ANO2: variants seen among roughly 807,000 people sequenced by gnomAD.
ANO2 encodes anoctamin 2, also known as anoctamin-2.
In ANO2, 101 loss-of-function variants were observed where a neutral mutation model predicts 124.2. The ratio of observed to expected loss-of-function variants is 0.81; its 90% CI spans 0.69 to 0.96. The LOEUF is 0.96. Among genes scored for constraint, ANO2 ranks in the 40% least tolerant of loss-of-function variants. ANO2 has a pLI of 0.00. For synonymous variants in ANO2, 486 were observed against 482.5 expected, an observed-to-expected ratio of 1.01 and a Z score of -0.09; for missense variants, 1,293 against 1,274.5, an observed-to-expected ratio of 1.01 and a Z score of -0.22.
At chr12:5,844,848 T>TGTTTGTTG (rs1377299564) in intron 4 of ANO2, among the ~76,000 whole-genome samples, 1 of 151,618 alleles carries the variant, frequency 6.6e-6, no homozygotes, top group Non-Finnish European at 1.5e-5. Flanking sequence ...TGTGTTTGTT[T>TGTTTGTTG]GTTTGTTTGT....
chr12:5,719,251 C>T (rs1950131585), intron 14 of ANO2, among the ~76,000 whole-genome samples: 1 of 152,142 alleles, frequency 6.6e-6, no homozygotes, highest in African/African-American at 2.4e-5. Context: ...CCTTCTCTTC[C>T]CATGTGCACG....
At chr12:5,828,321 C>T (rs1954051361) in intron 6 of ANO2, among the ~76,000 whole-genome samples, 1 of 152,166 alleles carries the variant, frequency 6.6e-6, no homozygotes, top group South Asian at 2.1e-4. Context: ...TAGCAGAAAG[C>T]TCCGAACGTG....
At chr12:5,831,323 A>G (rs1047758694) in intron 5 of ANO2, among the ~76,000 whole-genome samples, 5 of 152,236 alleles carry the variant, frequency 3.3e-5, no homozygotes, top group African/African-American at 1.2e-4. Context: ...TATCCTTCAA[A>G]AGGAAGGTGT....
intron 20 of ANO2, among the ~76,000 whole-genome samples, chr12:5,593,422 C>CT (rs1943507295): frequency 6.6e-6 from 1 of 152,144 alleles, no homozygotes; most frequent in Admixed American, 6.5e-5. Flanking sequence ...CAATAGAGCC[C>CT]TGAGGGCTTA....
intron 3 of ANO2, among the ~76,000 whole-genome samples, chr12:5,890,665 G>A (rs1279084018): frequency 1.3e-5 from 2 of 152,146 alleles, no homozygotes; most frequent in Admixed American, 6.5e-5. Context: ...TAGGAAACAG[G>A]GGCATCCCTG....
chr12:5,759,971 T>C (rs746741565), intron 10 of ANO2, among the ~76,000 whole-genome samples: 1 of 152,136 alleles, frequency 6.6e-6, no homozygotes, highest in Non-Finnish European at 1.5e-5. Flanking sequence ...ATCTACACAA[T>C]GAAATAGAGA....
At chr12:5,723,440 T>A (rs1403648227) in intron 14 of ANO2, among the ~76,000 whole-genome samples, 1 of 152,108 alleles carries the variant, frequency 6.6e-6, no homozygotes, top group East Asian at 1.9e-4. Flanking sequence ...CCTAAGGAGA[T>A]CCACATCCTA....
chr12:5,797,097 CAT>C (rs1479869679), intron 10 of ANO2, among the ~76,000 whole-genome samples: 1 of 152,212 alleles, frequency 6.6e-6, no homozygotes, highest in African/African-American at 2.4e-5. Context: ...CAGCACAGAC[CAT>C]ATGAGGGCAA....
At chr12:5,764,747 C>T (rs886708163) in intron 10 of ANO2, among the ~76,000 whole-genome samples, 1 of 151,554 alleles carries the variant, frequency 6.6e-6, no homozygotes, top group Non-Finnish European at 1.5e-5. Context: ...AGCTGTACCA[C>T]CACAGCATCT....
At chr12:5,687,609 G>A (rs532864030) in intron 14 of ANO2, among the ~76,000 whole-genome samples, 6 of 152,368 alleles carry the variant, frequency 3.9e-5, no homozygotes, top group South Asian at 2.1e-4. Flanking sequence ...TGCTAGCAGC[G>A]TGCAAGGTGT....
rs1314386568 is a variant in ANO2, at chr12:5,769,506, G to A, written c.1056-18536C>T. On this transcript the variant is annotated intron_variant, in intron 10 of 24. Transcript: ENST00000682330. The surrounding 1 kb of genome is among the most constrained non-coding windows in gnomAD (Gnocchi z 4.0). ...ATGAGAGCTAGGAAAGTAAATTACA[G>A]CAAGAAAAACAAAGCAGGCAGAAAC... 6.6e-6 allele frequency among the ~76,000 whole-genome samples: 1 copy of A among 152,142 alleles called. No individual in the cohort carries two copies. The highest frequency in any genetic ancestry group is 1.5e-5 in the Non-Finnish European group (1 of 68,026).
chr12:5,871,412 A>G (rs1019814999), intron 3 of ANO2, among the ~76,000 whole-genome samples: 4 of 152,204 alleles, frequency 2.6e-5, no homozygotes, highest in Non-Finnish European at 5.9e-5. Flanking sequence ...CCTAGAATAG[A>G]GTATGCACTC....
At chr12:5,863,712 T>C (rs1440622040) in intron 3 of ANO2, among the ~76,000 whole-genome samples, 2 of 152,182 alleles carry the variant, frequency 1.3e-5, no homozygotes, top group Non-Finnish European at 2.9e-5. Context: ...TGCAGTTTAT[T>C]ATACATCAGT....
At chr12:5,923,199 CGCACACACACCCACAT>C (rs1941885991) in intron 1 of ANO2, among the ~76,000 whole-genome samples, 3 of 138,436 alleles carry the variant, frequency 2.2e-5, no homozygotes, top group Non-Finnish European at 1.6e-5. Flanking sequence ...CACACACGCA[CGCACACACACCCACAT>C]ACACACACAC....
chr12:5,873,404 C>T (rs1937865534), intron 3 of ANO2, among the ~76,000 whole-genome samples: 1 of 152,176 alleles, frequency 6.6e-6, no homozygotes, highest in Admixed American at 6.5e-5. Context: ...GAATCTGGGA[C>T]TCTGTGGGCA....
chr12:5,712,661 A>G (rs1488751993), intron 14 of ANO2, among the ~76,000 whole-genome samples: 1 of 152,172 alleles, frequency 6.6e-6, no homozygotes, highest in East Asian at 1.9e-4. Flanking sequence ...GCCATGGGAG[A>G]TGAATACAAG....
At chr12:5,905,062 C>T (rs891429476) in intron 3 of ANO2, among the ~76,000 whole-genome samples, 3 of 152,192 alleles carry the variant, frequency 2.0e-5, no homozygotes, top group African/African-American at 7.2e-5. Flanking sequence ...GAACCTCATC[C>T]CTGGAGAGGG....
intron 3 of ANO2, among the ~76,000 whole-genome samples, chr12:5,914,351 T>C (rs543755619): frequency 6.6e-6 from 1 of 152,236 alleles, no homozygotes; most frequent in East Asian, 1.9e-4. Context: ...ATGCCAGACA[T>C]CCAGGCTCTG....
chr12:5,799,836 C>T (rs1012282940), intron 9 of ANO2, among the ~76,000 whole-genome samples: 2 of 152,208 alleles, frequency 1.3e-5, no homozygotes, highest in Admixed American at 6.5e-5. Flanking sequence ...CCACGTCTTG[C>T]CTAGTCCAGC....
Sources: allele counts gnomAD v4.1 joint callset (sites outside exome capture counted in the v4.1 genomes callset), GRCh38; gene constraint gnomAD v4.1.1; non-coding constraint Gnocchi (gnomAD v3.1); transcripts MANE v1.5; gene names NCBI Gene and HGNC (gene_info 2026-07-23, HGNC 2026-07-21).